The following CTNNBL1 variants were observed in gnomAD, a reference collection of about 807,000 sequenced individuals.
CTNNBL1 encodes catenin beta like 1.
A neutral mutation model predicts 72.7 loss-of-function variants in CTNNBL1; 31 were observed. That is an observed-to-expected ratio of 0.43 (90% confidence interval 0.32 to 0.58). The LOEUF is 0.58. Ranked by LOEUF, CTNNBL1 falls within the 20% of genes least tolerant of loss-of-function variation. CTNNBL1 has a pLI of 0.08. For missense variants in CTNNBL1, 534 were observed against 725.1 expected, an observed-to-expected ratio of 0.74 and a Z score of 3.03; for synonymous variants, 240 against 267.3, an observed-to-expected ratio of 0.90 and a Z score of 1.00.
Position 37,757,563 on chromosome 20 carries a change from G to C in CTNNBL1, c.471G>C (p.Val157=), listed in dbSNP as rs1300649847. 5.0e-6 allele frequency: 8 copies of C among 1,612,352 alleles called. No individual in the cohort carries two copies. Among genetic ancestry groups the C allele is most frequent in the Non-Finnish European group, 6.8e-6 (8 of 1,178,498 alleles). The change falls in exon 5 of 16, where the codon GTG becomes GTC. Residue 157 remains valine (V), a synonymous_variant. Coordinates refer to ENST00000361383, the MANE Select transcript of CTNNBL1 (RefSeq NM_030877.5). ...LGLLGHDNTD[V]SIAVVDLLQE... Reference sequence around the variant, plus strand: ...TATACCCTTAACATTTTTCACATGTGTCCATAGCTGTGGTCGATTTGCTTC... The same window carrying C: ...TATACCCTTAACATTTTTCACATGTCTCCATAGCTGTGGTCGATTTGCTTC...
intron 4 of CTNNBL1, 73 bp downstream of exon 4, chr20:37,746,680 C>T: frequency 6.5e-7 from 1 of 1,538,826 alleles, no homozygotes; most frequent in Middle Eastern, 1.7e-4. Context: ...TCTCCTGTCT[C>T]TCTTTGTAGA....
chr20:37,796,075 A>G (rs1344911654), intron 10 of CTNNBL1, among the ~76,000 whole-genome samples: 2 of 152,134 alleles, frequency 1.3e-5, no homozygotes, highest in African/African-American at 4.8e-5. Flanking sequence ...AGCACTACTC[A>G]TCTTACTACT....
chr20:37,781,499 C>T (rs953613964), intron 10 of CTNNBL1, among the ~76,000 whole-genome samples: 9 of 152,190 alleles, frequency 5.9e-5, no homozygotes, highest in African/African-American at 2.2e-4. Context: ...AACTGTACCT[C>T]TCTAGATCTC....
At chr20:37,733,129 C>A in intron 2 of CTNNBL1, 62 bp downstream of exon 2, 2 of 1,446,748 alleles carry the variant, frequency 1.4e-6, no homozygotes, top group Non-Finnish European at 1.9e-6. Flanking sequence ...AATTTTGGGC[C>A]AAATACTAAG....
rs758314139 is a variant in CTNNBL1, at chr20:37,860,350, T to C, written c.1603+6T>C. The stretch of plus-strand genomic sequence containing the variant: ...TGTCAGGCATATCATCAAGGGTGAG[T>C]TGGATGCTACTCATGTCTGGGGCTC... On this transcript the variant is annotated splice_donor_region_variant and intron_variant, in intron 15 of 15. Coordinates refer to ENST00000361383, the MANE Select transcript of CTNNBL1 (RefSeq NM_030877.5). 6.2e-7 allele frequency: 1 copy of C among 1,607,196 alleles called. No homozygotes were observed. The highest frequency in any genetic ancestry group is 8.5e-7 in the Non-Finnish European group (1 of 1,173,704).
chr20:37,705,074 T>C (rs140231680), intron 1 of CTNNBL1, among the ~76,000 whole-genome samples: 7 of 152,366 alleles, frequency 4.6e-5, no homozygotes, highest in African/African-American at 1.7e-4. Flanking sequence ...TTGTCAGCAC[T>C]GTGGGAGAAA....
chr20:37,749,716 C>T (rs558836300), intron 4 of CTNNBL1: 9 of 152,176 alleles, frequency 5.9e-5, no homozygotes, highest in African/African-American at 1.4e-4. Flanking sequence ...CCTCAAAGTA[C>T]GATTTTTCTT....
At chr20:37,747,165 G>T (rs1051053371) in intron 4 of CTNNBL1, among the ~76,000 whole-genome samples, 1 of 152,100 alleles carries the variant, frequency 6.6e-6, no homozygotes. Context: ...ATTACTTAAG[G>T]TCAGCAGTTT....
intron 11 of CTNNBL1, among the ~76,000 whole-genome samples, chr20:37,819,872 CT>C (rs368562087): frequency 0.031 from 3,794 of 121,190 alleles, 50 homozygotes; most frequent in African/African-American, 0.059. Context: ...CTTTTAATAT[CT>C]TTTTTTTTTT....
intron 11 of CTNNBL1, among the ~76,000 whole-genome samples, chr20:37,808,375 G>C (rs2071978956): frequency 6.6e-6 from 1 of 152,178 alleles, no homozygotes; most frequent in Non-Finnish European, 1.5e-5. Context: ...CAGAAAAGAA[G>C]GGAGCTTAGC....
chr20:37,699,159 GAGGA>G (rs1333371552), intron 1 of CTNNBL1, among the ~76,000 whole-genome samples: 1 of 152,182 alleles, frequency 6.6e-6, no homozygotes, highest in Non-Finnish European at 1.5e-5. Context: ...ACAACCCTAT[GAGGA>G]AGGTACTGTT....
At chr20:37,738,563 T>A (rs2073188930) in intron 3 of CTNNBL1, among the ~76,000 whole-genome samples, 1 of 152,196 alleles carries the variant, frequency 6.6e-6, no homozygotes, top group African/African-American at 2.4e-5. Context: ...TTTTAATGAA[T>A]CTTAATATGC....
intron 11 of CTNNBL1, among the ~76,000 whole-genome samples, chr20:37,817,834 A>G (rs532186572): frequency 1.1e-4 from 16 of 152,376 alleles, no homozygotes; most frequent in African/African-American, 3.8e-4. Context: ...TGTGGCATGT[A>G]GTAGATGCTT....
At chr20:37,768,513 A>G (rs189877825) in intron 7 of CTNNBL1, among the ~76,000 whole-genome samples, 1 of 152,188 alleles carries the variant, frequency 6.6e-6, no homozygotes, top group Non-Finnish European at 1.5e-5. Flanking sequence ...AATTAATCTC[A>G]TCATTCCCAC....
intron 15 of CTNNBL1, among the ~76,000 whole-genome samples, chr20:37,862,820 A>G (rs1258401038): frequency 6.9e-6 from 1 of 145,758 alleles, no homozygotes; most frequent in Non-Finnish European, 1.5e-5. Context: ...AGTCCATCCC[A>G]CCTCTTCTGT....
intron 5 of CTNNBL1, among the ~76,000 whole-genome samples, chr20:37,763,133 T>C (rs1386732688): frequency 1.3e-5 from 2 of 152,214 alleles, no homozygotes; most frequent in Non-Finnish European, 2.9e-5. Context: ...CGGTGTCTGC[T>C]GCTTTAGGAT....
chr20:37,810,099 A>G (rs1232043085), intron 11 of CTNNBL1, among the ~76,000 whole-genome samples: 1 of 152,136 alleles, frequency 6.6e-6, no homozygotes, highest in Non-Finnish European at 1.5e-5. Flanking sequence ...ACTCATGCAA[A>G]TCTAACACAG....
chr20:37,737,192 C>T (rs1362738158), intron 2 of CTNNBL1, among the ~76,000 whole-genome samples, 186 bp from the exon 3 acceptor site: 1 of 152,064 alleles, frequency 6.6e-6, no homozygotes, highest in Non-Finnish European at 1.5e-5. Context: ...CCACTGTACT[C>T]CAGCCTGGGC....
intron 10 of CTNNBL1, among the ~76,000 whole-genome samples, chr20:37,785,591 T>C (rs1370926323): frequency 1.3e-5 from 2 of 152,246 alleles, no homozygotes; most frequent in East Asian, 3.8e-4. Context: ...TTCTGCTTGA[T>C]TCATTTTAAC....
Sources: gnomAD v4.1 joint callset for allele counts (sites outside exome capture counted in the v4.1 genomes callset) on GRCh38, gnomAD v4.1.1 for gene constraint, MANE v1.5 for transcripts, NCBI Gene and HGNC (gene_info 2026-07-23, HGNC 2026-07-21) for gene names.